Variants in PRKCD observed in about 807,000 individuals in gnomAD.
The protein encoded by PRKCD is protein kinase C delta, also known as protein kinase C delta type.
In PRKCD, 20 loss-of-function variants were observed where a neutral mutation model predicts 82.2. That is an observed-to-expected ratio of 0.24 (90% CI 0.17 to 0.35). The LOEUF (loss-of-function observed/expected upper bound fraction) is 0.35. Among genes scored for constraint, PRKCD ranks in the 10% least tolerant of loss-of-function variants. PRKCD has a pLI of 1.00. For synonymous variants in PRKCD, 317 were observed against 337.0 expected (o/e 0.94, Z 0.65); for missense variants, 607 against 899.0 (o/e 0.68, Z 4.15).
At chr3:53,185,791 A>C (rs1553668889) in intron 11 of PRKCD, 91 bp downstream of exon 11, 2 of 1,534,430 alleles carry the variant, frequency 1.3e-6, no homozygotes, top group Admixed American at 1.7e-5. Flanking sequence ...CAAGTGAGAC[A>C]TGGAAGGAAC....
chr3:53,191,486 T>C (rs1553670898), intron 18 of PRKCD, among the ~76,000 whole-genome samples: 1 of 152,232 alleles, frequency 6.6e-6, no homozygotes, highest in Admixed American at 6.5e-5. Flanking sequence ...GCCGAAATGA[T>C]TGTACTTGCC....
chr3:53,187,506 C>T, intron 15 of PRKCD, 104 bp downstream of exon 15: 1 of 1,305,904 alleles, frequency 7.7e-7, no homozygotes, highest in South Asian at 1.3e-5. Flanking sequence ...AGTTCCTTCT[C>T]TGCTGGAAAT....
At chr3:53,167,443 C>G (rs1157679279) in intron 2 of PRKCD, among the ~76,000 whole-genome samples, 2 of 152,330 alleles carry the variant, frequency 1.3e-5, no homozygotes, top group Non-Finnish European at 1.5e-5. Flanking sequence ...AGGCATGGCC[C>G]CCTTGAGAGA....
intron 15 of PRKCD, 61 bp from the exon 16 acceptor site, chr3:53,188,659 G>T (rs1553669933): frequency 6.3e-7 from 1 of 1,598,056 alleles, no homozygotes; most frequent in Non-Finnish European, 8.6e-7. Context: ...AGGACATGGG[G>T]GGCAGGGTTG....
At chr3:53,171,444 G>A (rs1382403188) in intron 2 of PRKCD, among the ~76,000 whole-genome samples, 2 of 152,204 alleles carry the variant, frequency 1.3e-5, no homozygotes, top group Non-Finnish European at 2.9e-5. Flanking sequence ...CCCTCAGATC[G>A]AAGGCCCCCA....
In PRKCD at chr3:53,181,604, C is replaced by T; in HGVS notation, c.537C>T (p.Val179=). The T allele has an allele frequency of 6.2e-7, 1 of 1,614,236 alleles. No homozygotes were observed. The highest frequency in any genetic ancestry group is 8.5e-7 in the Non-Finnish European group (1 of 1,180,042). ...PTFCSVCKDF[V]WGLNKQGYKC... is the part of the protein sequence containing the mutation. ...TCTGTTCTGTGTGCAAAGACTTTGT[C>T]TGGTGAGAACCGGCCATGCCCACTG... Residue 179 remains valine, a splice_region_variant and synonymous_variant, in exon 6 of 19, where the codon GTC becomes GTT. Coordinates refer to ENST00000330452, the MANE Select transcript of PRKCD (RefSeq NM_006254.4).
chr3:53,181,651 G>T, intron 6 of PRKCD, 45 bp downstream of exon 6: 1 of 1,612,894 alleles, frequency 6.2e-7, no homozygotes, highest in Non-Finnish European at 8.5e-7. Flanking sequence ...GGGTAGTGGG[G>T]GCCGATCCCG....
At chr3:53,181,997 C>A in intron 7 of PRKCD, 1 of 644,400 alleles carries the variant, frequency 1.6e-6, no homozygotes, top group Non-Finnish European at 2.9e-6. Context: ...AGTATTCACG[C>A]AGAAACCAGC....
chr3:53,184,839 C>CT, intron 9 of PRKCD, 35 bp from the exon 10 acceptor site: 1 of 1,598,518 alleles, frequency 6.3e-7, no homozygotes, highest in Non-Finnish European at 8.6e-7. Flanking sequence ...TGGCTGAGCT[C>CT]TGAGACTGAC....
At chr3:53,187,659 T>C (rs1703759505) in intron 15 of PRKCD, among the ~76,000 whole-genome samples, 1 of 152,130 alleles carries the variant, frequency 6.6e-6, no homozygotes, top group African/African-American at 2.4e-5. Flanking sequence ...CTTGGAGCCG[T>C]CAGTCTCGCT....
chr3:53,166,720 G>A (rs1702844310), intron 2 of PRKCD, among the ~76,000 whole-genome samples: 1 of 152,256 alleles, frequency 6.6e-6, no homozygotes, highest in African/African-American at 2.4e-5. Flanking sequence ...GCCTGCATCT[G>A]GCACCTGAGG....
At chr3:53,161,753 C>G (rs1277057602) in intron 1 of PRKCD, among the ~76,000 whole-genome samples, 1 of 151,944 alleles carries the variant, frequency 6.6e-6, no homozygotes, top group African/African-American at 2.4e-5. Context: ...TGTCGCCACC[C>G]ACTCTGTGTT....
chr3:53,189,341 A>G, intron 17 of PRKCD, 95 bp downstream of exon 17: 6 of 1,319,720 alleles, frequency 4.5e-6, no homozygotes, highest in Non-Finnish European at 5.1e-6. Context: ...CTGTCTCTGG[A>G]ATGGCAGCCT....
rs782738720 is a variant in PRKCD at position 53,181,815 on chromosome 3, G to A, written c.571+83G>A. 1.1e-5 allele frequency: 18 copies of A among 1,591,272 alleles called. No homozygotes were observed. In the South Asian group the frequency reaches 1.8e-4, roughly 16 times the overall value. The stretch of plus-strand genomic sequence containing the variant: ...AGTGCCTGTGTGTATGCCAGTGCCT[G>A]TGTGCGCTCAGAGAGTGTATGCACG... On this transcript the variant is annotated intron_variant, in intron 7 of 18. Transcript: ENST00000330452.
chr3:53,175,019 C>T lies in PRKCD; in HGVS notation c.-19-3385C>T, dbSNP rs565960233. ...GGGCTTCTCTGACCCACTGTCTCCT[C>T]CACCCTCCATGCAGTCCTGGGGTGG... On this transcript the variant is annotated intron_variant, in intron 2 of 18. Coordinates refer to ENST00000330452, the MANE Select transcript of PRKCD (RefSeq NM_006254.4). 4.6e-5 allele frequency among the ~76,000 whole-genome samples: 7 copies of T among 152,332 alleles called. No homozygotes were observed. In the East Asian group the frequency reaches 9.7e-4, roughly 21 times the overall value.
In PRKCD at chr3:53,169,836, A is replaced by G. The variant is rs376753380; in HGVS notation, c.-20+4621A>G. On this transcript the variant is annotated intron_variant, in intron 2 of 18. Coordinates refer to ENST00000330452, the MANE Select transcript of PRKCD (RefSeq NM_006254.4). The surrounding 1 kb of genome is among the most constrained non-coding windows in gnomAD (Gnocchi z 4.7). The stretch of plus-strand genomic sequence containing the variant: ...ACAGAGCCTCTTTTCCCACTTTCCA[A>G]GGAAGTCTGGAAGACACCAGAGCAC... Among the ~76,000 whole-genome samples the G allele has an allele frequency of 6.6e-6, 1 of 152,190 alleles. No homozygotes were observed. The highest frequency in any genetic ancestry group is 2.4e-5 in the African/African-American group (1 of 41,418).
At chr3:53,176,143 C>T (rs868995190) in intron 2 of PRKCD, among the ~76,000 whole-genome samples, 2 of 152,328 alleles carry the variant, frequency 1.3e-5, no homozygotes, top group Middle Eastern at 3.4e-3. Flanking sequence ...AGGTCAAGGG[C>T]AGCTGGCCTG....
At chr3:53,189,393 A>G in intron 17 of PRKCD, 147 bp downstream of exon 17, 1 of 904,372 alleles carries the variant, frequency 1.1e-6, no homozygotes, top group South Asian at 1.8e-5. Flanking sequence ...TTGCTCTCTC[A>G]CCATGTTCCC....
intron 17 of PRKCD, 26 bp from the exon 18 acceptor site, chr3:53,189,847 T>C: frequency 8.1e-6 from 13 of 1,613,856 alleles, no homozygotes; most frequent in Non-Finnish European, 1.1e-5. Context: ...CCTTGGGTGC[T>C]AACCAGGGTC....
Sources: allele counts gnomAD v4.1 joint callset (sites outside exome capture counted in the v4.1 genomes callset), GRCh38; gene constraint gnomAD v4.1.1; non-coding constraint Gnocchi (gnomAD v3.1); transcripts MANE v1.5; gene names NCBI Gene and HGNC (gene_info 2026-07-23, HGNC 2026-07-21).